Variants in ITSN1 observed in about 807,000 individuals in gnomAD.
ITSN1 encodes the protein intersectin 1.
Under a neutral mutation model 239.8 loss-of-function variants are expected in ITSN1, and 58 were observed. The observed-to-expected ratio is 0.24, with a 90% CI of 0.20 to 0.30. The LOEUF (loss-of-function observed/expected upper bound fraction) is 0.30, where lower values mean the gene tolerates loss of function less well. Ranked by LOEUF, ITSN1 falls within the 10% of genes least tolerant of loss-of-function variation. The pLI is 1.00. For missense variants in ITSN1, 1,558 were observed against 2,103.3 expected (o/e 0.74, Z 5.07); for synonymous variants, 780 against 770.8 (o/e 1.01, Z -0.20).
chr21:33,802,559 A>G (rs2072086582), intron 20 of ITSN1, 115 bp downstream of exon 20: 2 of 1,091,994 alleles, frequency 1.8e-6, no homozygotes, highest in Non-Finnish European at 2.8e-6. Context: ...GGCAGTAAAA[A>G]TGTGTTTGAG....
intron 34 of ITSN1, among the ~76,000 whole-genome samples, chr21:33,877,904 G>GT (rs1484445474): frequency 1.4e-5 from 2 of 147,832 alleles, no homozygotes; most frequent in African/African-American, 2.5e-5. Flanking sequence ...GCATTTTTCT[G>GT]TTTTTTTAAA....
At position 33,823,561 on chromosome 21, in the gene ITSN1, G is replaced by A; in HGVS notation, c.3091G>A (p.Val1031Ile). 1.2e-6 allele frequency: 2 copies of A among 1,614,158 alleles called. No homozygotes were observed. The highest frequency in any genetic ancestry group is 8.5e-7 in the Non-Finnish European group (1 of 1,180,018). The change falls in exon 25 of 40, where the codon GTT becomes ATT. Residue 1031 changes from valine to isoleucine, a missense_variant. By Grantham distance (29) the Val-to-Ile change is conservative (BLOSUM62 3). Around this residue, in one of 2 missense-constraint regions of ITSN1, gnomAD observed 576 missense variants for 893.3 expected, o/e 0.64. Coordinates refer to ENST00000381318, the MANE Select transcript of ITSN1 (RefSeq NM_003024.3). Reference protein sequence around the residue: ...LTFQQGDVILVTKKDGDWWTG... With the variant: ...LTFQQGDVILITKKDGDWWTG... ...CTTTCAGCAAGGGGATGTGATTTTGGTTACCAAGAAAGATGGTGACTGGTG... is the reference window on the plus strand; with the variant it reads ...CTTTCAGCAAGGGGATGTGATTTTGATTACCAAGAAAGATGGTGACTGGTG...
intron 1 of ITSN1, among the ~76,000 whole-genome samples, chr21:33,659,889 TA>T (rs199548218): frequency 1.3e-5 from 2 of 151,082 alleles, no homozygotes; most frequent in African/African-American, 4.9e-5. Flanking sequence ...CTGGCTAATT[TA>T]AAAAAAAATT....
chr21:33,688,353 C>T lies in ITSN1; in HGVS notation c.-32-30444C>T, dbSNP rs1250648922. Among the ~76,000 whole-genome samples, 3 of 152,290 alleles carry T rather than the reference C, an allele frequency of 2.0e-5. No individual in the cohort carries two copies. In the South Asian group the frequency reaches 6.2e-4, roughly 32 times the overall value. Reference sequence around the variant, plus strand: ...GTTCCCAAACATTCGTAGGACTACACTGTAGCAGGAATCTGAATAGAAAAC... The same window carrying T: ...GTTCCCAAACATTCGTAGGACTACATTGTAGCAGGAATCTGAATAGAAAAC... On this transcript the variant is annotated intron_variant, in intron 1 of 39. Coordinates refer to ENST00000381318, the MANE Select transcript of ITSN1 (RefSeq NM_003024.3).
chr21:33,769,608 A>G (rs944330637), intron 11 of ITSN1, among the ~76,000 whole-genome samples: 2 of 151,932 alleles, frequency 1.3e-5, no homozygotes, highest in African/African-American at 2.4e-5. Context: ...AGCAGCCTTC[A>G]GTTTTTTTGC....
At chr21:33,720,115 A>C (rs2065396110) in intron 2 of ITSN1, among the ~76,000 whole-genome samples, 1 of 152,222 alleles carries the variant, frequency 6.6e-6, no homozygotes, top group African/African-American at 2.4e-5. Flanking sequence ...GAATTCTGAC[A>C]GGGCAGTGAA....
chr21:33,757,400 T>C (rs1428059410), intron 8 of ITSN1, among the ~76,000 whole-genome samples: 2 of 152,212 alleles, frequency 1.3e-5, no homozygotes, highest in African/African-American at 2.4e-5. Flanking sequence ...GATTTTGATA[T>C]TGTTTATCTG....
At chr21:33,718,905 T>A (rs931155838) in intron 2 of ITSN1, 49 bp downstream of exon 2, 82 of 1,454,042 alleles carry the variant, frequency 5.6e-5, no homozygotes, top group Non-Finnish European at 7.7e-5. Context: ...GACCAGATTT[T>A]AAAAACTTGA....
intron 1 of ITSN1, among the ~76,000 whole-genome samples, chr21:33,717,272 C>T (rs1465721547): frequency 1.3e-5 from 2 of 151,802 alleles, no homozygotes; most frequent in African/African-American, 2.4e-5. Context: ...TCTTAGCTCA[C>T]TGTAGCCTTG....
intron 1 of ITSN1, among the ~76,000 whole-genome samples, chr21:33,714,359 G>GGTCAGAAGGCCC (rs1480799181): frequency 6.6e-5 from 10 of 152,192 alleles, no homozygotes. Context: ...GAGAAGTAGA[G>GGTCAGAAGGCCC]TTGGAGGTCA....
chr21:33,764,184 T>A (rs1259093820), intron 9 of ITSN1, among the ~76,000 whole-genome samples: 1 of 152,246 alleles, frequency 6.6e-6, no homozygotes, highest in Non-Finnish European at 1.5e-5. Flanking sequence ...TATTTTAAAT[T>A]TCTCATTTAT....
rs79350677 is a variant in ITSN1, at chr21:33,736,813, C to T, written c.346+1609C>T. Among the ~76,000 whole-genome samples, 5 of 152,180 alleles carry T rather than the reference C, an allele frequency of 3.3e-5. No homozygotes were observed. The East Asian group carries it at 5.8e-4, about 18-fold the overall frequency. ...CCAGCCTGGCAACATAACAAGGCCT[C>T]GTTGCTACTGAAAATTTAAAAATTA... On this transcript the variant is annotated intron_variant, in intron 5 of 39. Transcript: ENST00000381318.
intron 34 of ITSN1, among the ~76,000 whole-genome samples, chr21:33,878,524 A>C (rs1984387218): frequency 6.6e-6 from 1 of 152,136 alleles, no homozygotes; most frequent in African/African-American, 2.4e-5. Flanking sequence ...ACCAGCGAGA[A>C]TGTGTCTCCC....
At position 33,823,632 on chromosome 21, in the gene ITSN1, T is replaced by C; in HGVS notation, c.3162T>C (p.Tyr1054=). The change falls in exon 25 of 40, where the codon TAT becomes TAC. Residue 1054 remains tyrosine (Y), a synonymous_variant. Coordinates refer to ENST00000381318, the MANE Select transcript of ITSN1 (RefSeq NM_003024.3). The part of the protein sequence containing the change: ...GDKAGVFPSN[Y]VRLKDSEGSG... ...AGGCCGGAGTCTTCCCTTCTAACTATGTGAGGCTTAAAGATTCAGAGGTAA... is the reference window on the plus strand; with the variant it reads ...AGGCCGGAGTCTTCCCTTCTAACTACGTGAGGCTTAAAGATTCAGAGGTAA... 3 of 1,613,960 alleles carry C rather than the reference T, an allele frequency of 1.9e-6. No homozygotes were observed. Among genetic ancestry groups the C allele is most frequent in the Non-Finnish European group, 1.7e-6 (2 of 1,179,944 alleles).
chr21:33,751,010 T>C (rs1255431770), intron 6 of ITSN1, among the ~76,000 whole-genome samples: 2 of 152,250 alleles, frequency 1.3e-5, no homozygotes, highest in Non-Finnish European at 2.9e-5. Flanking sequence ...TTTAGCATCA[T>C]ACTTGAAACA....
In ITSN1 at chr21:33,781,556, T is replaced by C. The variant is rs758227189; in HGVS notation, c.1684+8T>C. On this transcript the variant is annotated splice_region_variant and intron_variant, in intron 15 of 39. Coordinates refer to ENST00000381318, the MANE Select transcript of ITSN1 (RefSeq NM_003024.3). The stretch of plus-strand genomic sequence containing the variant: ...AGCAGAACAGTTTGCACAGTAGGTG[T>C]TTTATTTTTAAAGTTGACCTTTTCT... 4 of 1,429,548 alleles carry C rather than the reference T, an allele frequency of 2.8e-6. No homozygotes were observed. Among genetic ancestry groups the C allele is most frequent in the Non-Finnish European group, 3.8e-6 (4 of 1,048,756 alleles). 88.6% of individuals were successfully genotyped at this position (1,429,548 alleles called of 1,614,324 possible). A position where few individuals can be genotyped will look rare whatever the true frequency, so the allele number is the denominator to read the frequency against.
chr21:33,718,507 G>A (rs760394282), intron 1 of ITSN1, among the ~76,000 whole-genome samples: 2 of 152,178 alleles, frequency 1.3e-5, no homozygotes, highest in Non-Finnish European at 2.9e-5. Context: ...AAGTATGCAA[G>A]AGGACGTGCT....
chr21:33,899,335 T>C lies in ITSN1; in HGVS notation c.*11035T>C, dbSNP rs985630991. On this transcript the variant is annotated 3_prime_UTR_variant, in exon 40 of 40. Transcript: ENST00000381318. Reference sequence around the variant, plus strand: ...CAAGCGGGCCACAGTGCTGGTGGCATGTTGCTTCCCTCACAGCCCTGCCCA... The same window carrying C: ...CAAGCGGGCCACAGTGCTGGTGGCACGTTGCTTCCCTCACAGCCCTGCCCA... 1.2e-4 allele frequency: 19 copies of C among 152,252 alleles called. 1 individual carries two copies. Among genetic ancestry groups the C allele is most frequent in the Non-Finnish European group, 4.4e-5 (3 of 68,076 alleles). The allele number at this position is 152,252 out of a possible 1,614,324, so 9.4% of individuals were successfully genotyped here.
At position 33,891,291 on chromosome 21, in the gene ITSN1, G is replaced by C. The variant is rs915425701; in HGVS notation, c.*2991G>C. ...ACTTCCTTGTTTGTTTGGATAATAT[G>C]TCCCTGTCCTCTGATAGCAGAGGAA... On this transcript the variant is annotated 3_prime_UTR_variant, in exon 40 of 40. Coordinates refer to ENST00000381318, the MANE Select transcript of ITSN1 (RefSeq NM_003024.3). 2 of 152,204 alleles carry C rather than the reference G, an allele frequency of 1.3e-5. No individual in the cohort carries two copies. Among genetic ancestry groups the C allele is most frequent in the Non-Finnish European group, 2.9e-5 (2 of 68,036 alleles). The allele number at this position is 152,204 out of a possible 1,614,324, so 9.4% of individuals were successfully genotyped here. A position where few individuals can be genotyped will look rare whatever the true frequency, so the allele number is the denominator to read the frequency against.
Sources: allele counts gnomAD v4.1 joint callset (sites outside exome capture counted in the v4.1 genomes callset), GRCh38; gene constraint gnomAD v4.1.1; regional missense constraint gnomAD v4.1.1; transcripts MANE v1.5; gene names NCBI Gene and HGNC (gene_info 2026-07-23, HGNC 2026-07-21).